Variants in GDF11 observed in about 807,000 individuals in gnomAD.
GDF11 encodes the protein growth differentiation factor 11.
Under a neutral mutation model 34.4 loss-of-function variants are expected in GDF11, and 12 were observed. The observed-to-expected ratio is 0.35, with a 90% CI of 0.22 to 0.57. The LOEUF is 0.57. Among genes scored for constraint, GDF11 ranks in the 20% least tolerant of loss-of-function variants. GDF11 has a pLI of 0.86. For synonymous variants in GDF11, 212 were observed against 231.1 expected, an observed-to-expected ratio of 0.92 and a Z score of 0.75; for missense variants, 346 against 548.2, an observed-to-expected ratio of 0.63 and a Z score of 3.68.
chr12:55,755,530 G>A lies in GDF11; in HGVS notation c.*5648G>A, dbSNP rs913566328. 9 of 152,202 alleles carry A rather than the reference G, an allele frequency of 5.9e-5. No individual in the cohort carries two copies. The highest frequency in any genetic ancestry group is 2.2e-4 in the African/African-American group (9 of 41,440). The allele number at this position is 152,202 out of a possible 1,614,324, so 9.4% of individuals were successfully genotyped here. A position where few individuals can be genotyped will look rare whatever the true frequency, so the allele number is the denominator to read the frequency against. ...ACATCTGGATGCTGGATCAACTATA[G>A]TAGGGAAACGGGGAGAGGAAGGAAG... On this transcript the variant is annotated 3_prime_UTR_variant, in exon 3 of 3. Transcript: ENST00000257868.
Position 55,757,124 on chromosome 12 carries a change from G to A in GDF11, c.*7242G>A, listed in dbSNP as rs904434143. 2 of 157,512 alleles carry A rather than the reference G, an allele frequency of 1.3e-5. No homozygotes were observed. Among genetic ancestry groups the A allele is most frequent in the African/African-American group, 4.8e-5 (2 of 41,578 alleles). The allele number at this position is 157,512 out of a possible 1,614,324, so 9.8% of individuals were successfully genotyped here. On this transcript the variant is annotated 3_prime_UTR_variant, in exon 3 of 3. Transcript: ENST00000257868. ...ACAGAAGGGAATAAACAGGCTTAAA[G>A]GGTAAACTCAGTCCTTTTCCTTGTC...
At position 55,749,831 on chromosome 12, in the gene GDF11, T is replaced by A. The variant is rs376574790; in HGVS notation, c.1173T>A (p.Ile391=). ...NMLYFNDKQQ[I]IYGKIPGMVV... is the part of the protein sequence containing the mutation. ...TCTACTTCAATGACAAGCAGCAGAT[T>A]ATCTACGGCAAGATCCCTGGCATGG... Residue 391 remains isoleucine, a synonymous_variant, in exon 3 of 3, where the codon ATT becomes ATA. Coordinates refer to ENST00000257868, the MANE Select transcript of GDF11 (RefSeq NM_005811.5). The surrounding 1 kb of genome is among the most constrained non-coding windows in gnomAD (Gnocchi z 5.6). 1.2e-5 allele frequency: 19 copies of A among 1,613,998 alleles called. No individual in the cohort carries two copies. The highest frequency in any genetic ancestry group is 1.3e-5 in the Non-Finnish European group (15 of 1,179,962).
intron 1 of GDF11, among the ~76,000 whole-genome samples, chr12:55,745,158 T>C (rs1399414701): frequency 6.6e-6 from 1 of 151,346 alleles, no homozygotes; most frequent in East Asian, 1.9e-4. Flanking sequence ...GGGGGTGGGG[T>C]TTCTAGGAAA....
rs1403604884 is a variant in GDF11 at position 55,753,847 on chromosome 12, T to C, written c.*3965T>C. The C allele has an allele frequency of 6.6e-6, 1 of 150,928 alleles. No individual in the cohort carries two copies. The highest frequency in any genetic ancestry group is 1.5e-5 in the Non-Finnish European group (1 of 67,992). 9.3% of individuals were successfully genotyped at this position (150,928 alleles called of 1,614,324 possible). A position where few individuals can be genotyped will look rare whatever the true frequency, so the allele number is the denominator to read the frequency against. ...CTGTAGTTCCAGCTATTCAGGAGGC[T>C]GTGGCAGGAGGACCACTTGAGGCCA... On this transcript the variant is annotated 3_prime_UTR_variant, in exon 3 of 3. Coordinates refer to ENST00000257868, the MANE Select transcript of GDF11 (RefSeq NM_005811.5).
At position 55,749,102 on chromosome 12, in the gene GDF11, G is replaced by A. The variant is rs937541820; in HGVS notation, c.843+119G>A. On this transcript the variant is annotated intron_variant, in intron 2 of 2. Coordinates refer to ENST00000257868, the MANE Select transcript of GDF11 (RefSeq NM_005811.5). This position sits in a 1 kb window ranked among gnomAD's most constrained non-coding sequence, Gnocchi z 5.6. ...TTGGGGACCAGCATTACTTCTCTGG[G>A]GTCAGCAGCTGATTCTAGAGGAGGA... is the stretch of plus-strand genomic sequence containing the variant. The A allele has an allele frequency of 3.9e-6, 4 of 1,032,326 alleles. No individual in the cohort carries two copies. Among genetic ancestry groups the A allele is most frequent in the South Asian group, 1.7e-5 (1 of 59,590 alleles). The allele number at this position is 1,032,326 out of a possible 1,614,324, so 63.9% of individuals were successfully genotyped here. A position where few individuals can be genotyped will look rare whatever the true frequency, so the allele number is the denominator to read the frequency against.
rs766687970 is a variant in GDF11, at chr12:55,743,379, G to C, written c.63G>C (p.Arg21=). The change falls in exon 1 of 3, where the codon CGG becomes CGC. Residue 21 remains arginine (R), a synonymous_variant. Transcript: ENST00000257868. ...FLLLALELRP[R]GEAAEGPAAA... ...TCCTCGCCCTGGAGCTGCGGCCCCG[G>C]GGGGAGGCGGCCGAGGGCCCCGCGG... 9.1e-6 allele frequency: 9 copies of C among 987,994 alleles called. No individual in the cohort carries two copies. The highest frequency in any genetic ancestry group is 9.0e-5 in the South Asian group (2 of 22,174). The allele number at this position is 987,994 out of a possible 1,614,324, so 61.2% of individuals were successfully genotyped here. A position where few individuals can be genotyped will look rare whatever the true frequency, so the allele number is the denominator to read the frequency against.
chr12:55,744,098 G>A (rs534308993), intron 1 of GDF11, among the ~76,000 whole-genome samples: 7 of 152,294 alleles, frequency 4.6e-5, no homozygotes, highest in Admixed American at 2.0e-4. Flanking sequence ...AGCCGTGGTG[G>A]GGAGGCTGGA....
chr12:55,743,465 G>A lies in GDF11; in HGVS notation c.149G>A (p.Arg50Gln). 7.0e-7 allele frequency: 1 copy of A among 1,426,454 alleles called. No homozygotes were observed. Among genetic ancestry groups the A allele is most frequent in the Non-Finnish European group, 9.2e-7 (1 of 1,085,464 alleles). The allele number at this position is 1,426,454 out of a possible 1,614,324, so 88.4% of individuals were successfully genotyped here. ...GGGGTCGGGGGGGAGCGCTCCAGCC[G>A]GCCAGCCCCGTCCGTGGCGCCCGAG... ...AAGVGGERSSRPAPSVAPEPD... is the reference protein window; with the variant it reads ...AAGVGGERSSQPAPSVAPEPD... Residue 50 changes from arginine to glutamine, a missense_variant, in exon 1 of 3, where the codon CGG becomes CAG. Coordinates refer to ENST00000257868, the MANE Select transcript of GDF11 (RefSeq NM_005811.5).
intron 1 of GDF11, 53 bp downstream of exon 1, chr12:55,743,814 G>A (rs1592542238): frequency 5.7e-6 from 8 of 1,403,086 alleles, no homozygotes; most frequent in Middle Eastern, 2.2e-4. Context: ...GCCCCGCGAA[G>A]GGCGCCTTCT....
chr12:55,749,035 T>C lies in GDF11; in HGVS notation c.843+52T>C, dbSNP rs774059551. ...TATGTGTAACCTGGCCCTGAGGAGA[T>C]AGGGTTACATTGGAAAAGGTAGACA... is the stretch of plus-strand genomic sequence containing the variant. On this transcript the variant is annotated intron_variant, in intron 2 of 2. Coordinates refer to ENST00000257868, the MANE Select transcript of GDF11 (RefSeq NM_005811.5). This position sits in a 1 kb window ranked among gnomAD's most constrained non-coding sequence, Gnocchi z 5.6. 26 of 1,489,560 alleles carry C rather than the reference T, an allele frequency of 1.7e-5. No individual in the cohort carries two copies. Among genetic ancestry groups the C allele is most frequent in the South Asian group, 2.6e-5 (2 of 77,670 alleles). 92.3% of individuals were successfully genotyped at this position (1,489,560 alleles called of 1,614,324 possible).
chr12:55,747,333 T>C (rs1443527103), intron 1 of GDF11, among the ~76,000 whole-genome samples: 1 of 151,540 alleles, frequency 6.6e-6, no homozygotes. Flanking sequence ...CCTGAATATA[T>C]GAAGTTCATT....
In GDF11 at chr12:55,749,957, C is replaced by G; in HGVS notation, c.*75C>G. 1 of 1,258,110 alleles carries G rather than the reference C, an allele frequency of 7.9e-7. No individual in the cohort carries two copies. Among genetic ancestry groups the G allele is most frequent in the Non-Finnish European group, 1.1e-6 (1 of 895,736 alleles). 77.9% of individuals were successfully genotyped at this position (1,258,110 alleles called of 1,614,324 possible). A position where few individuals can be genotyped will look rare whatever the true frequency, so the allele number is the denominator to read the frequency against. Reference sequence around the variant, plus strand: ...AGCCCTGCCCCCATCCCCCCAAGCCCTAGAGCTCCCTCCACTCTTCCCGCG... The same window carrying G: ...AGCCCTGCCCCCATCCCCCCAAGCCGTAGAGCTCCCTCCACTCTTCCCGCG... On this transcript the variant is annotated 3_prime_UTR_variant, in exon 3 of 3. Transcript: ENST00000257868. The surrounding 1 kb of genome is among the most constrained non-coding windows in gnomAD (Gnocchi z 5.6).
rs764196755 is a variant in GDF11 at position 55,743,718 on chromosome 12, G to C, written c.402G>C (p.Glu134Asp). The change falls in exon 1 of 3, where the codon GAG becomes GAC. Residue 134 changes from glutamate to aspartate, a missense_variant. By Grantham distance (45) the Glu-to-Asp change is conservative. Coordinates refer to ENST00000257868, the MANE Select transcript of GDF11 (RefSeq NM_005811.5). The part of the protein sequence containing the change: ...LQPEDFLEED[E>D]YHATTETVIS... Reference sequence around the variant, plus strand: ...CCGAGGACTTCCTGGAGGAGGACGAGTACCACGCCACCACCGAGACCGTCA... The same window carrying C: ...CCGAGGACTTCCTGGAGGAGGACGACTACCACGCCACCACCGAGACCGTCA... The C allele has an allele frequency of 6.4e-7, 1 of 1,574,440 alleles. No homozygotes were observed. The highest frequency in any genetic ancestry group is 8.6e-7 in the Non-Finnish European group (1 of 1,167,228).
At chr12:55,746,039 G>T (rs1221188364) in intron 1 of GDF11, among the ~76,000 whole-genome samples, 3 of 152,080 alleles carry the variant, frequency 2.0e-5, no homozygotes, top group African/African-American at 7.2e-5. Context: ...TTGGGCATTT[G>T]CTGAAAATAG....
At position 55,752,923 on chromosome 12, in the gene GDF11, T is replaced by C. The variant is rs536624734; in HGVS notation, c.*3041T>C. On this transcript the variant is annotated 3_prime_UTR_variant, in exon 3 of 3. Coordinates refer to ENST00000257868, the MANE Select transcript of GDF11 (RefSeq NM_005811.5). ...CCTAATCAAGTGCCACATTTACACCTTGGAGAACCGGAGGTGAAGAGGATC... is the reference window on the plus strand; with the variant it reads ...CCTAATCAAGTGCCACATTTACACCCTGGAGAACCGGAGGTGAAGAGGATC... 6.6e-6 allele frequency: 1 copy of C among 152,248 alleles called. No homozygotes were observed. Among genetic ancestry groups the C allele is most frequent in the East Asian group, 1.9e-4 (1 of 5,184 alleles). 9.4% of individuals were successfully genotyped at this position (152,248 alleles called of 1,614,324 possible). A position where few individuals can be genotyped will look rare whatever the true frequency, so the allele number is the denominator to read the frequency against.
chr12:55,753,897 T>C lies in GDF11; in HGVS notation c.*4015T>C, dbSNP rs1345918734. ...AGAGGGTCAAGGCTGCAGTGTGCTA[T>C]AATTGGGCCTGTAAATAGCCACTGT... On this transcript the variant is annotated 3_prime_UTR_variant, in exon 3 of 3. Transcript: ENST00000257868. 2.6e-5 allele frequency: 4 copies of C among 151,694 alleles called. No homozygotes were observed. The highest frequency in any genetic ancestry group is 5.9e-5 in the Non-Finnish European group (4 of 67,992). 9.4% of individuals were successfully genotyped at this position (151,694 alleles called of 1,614,324 possible).
rs1459743529 is a variant in GDF11 at position 55,753,760 on chromosome 12, C to T, written c.*3878C>T. 7.3e-6 allele frequency: 1 copy of T among 136,580 alleles called. No homozygotes were observed. The highest frequency in any genetic ancestry group is 1.5e-5 in the Non-Finnish European group (1 of 64,982). 8.5% of individuals were successfully genotyped at this position (136,580 alleles called of 1,614,324 possible). ...ACTCTAGCATGGTGACAGAGTGAGA[C>T]TCCCATCTCCAAAAAAAAAAAAAAA... On this transcript the variant is annotated 3_prime_UTR_variant, in exon 3 of 3. Coordinates refer to ENST00000257868, the MANE Select transcript of GDF11 (RefSeq NM_005811.5).
In GDF11 at chr12:55,749,611, T is replaced by G; in HGVS notation, c.953T>G (p.Leu318Arg). 1 of 1,614,118 alleles carries G rather than the reference T, an allele frequency of 6.2e-7. No individual in the cohort carries two copies. The highest frequency in any genetic ancestry group is 8.5e-7 in the Non-Finnish European group (1 of 1,180,022). The change falls in exon 3 of 3, where the codon CTC (leucine) becomes CGC (arginine). Residue 318 changes from leucine (L) to arginine (R), a missense_variant. Coordinates refer to ENST00000257868, the MANE Select transcript of GDF11 (RefSeq NM_005811.5). This position sits in a 1 kb window ranked among gnomAD's most constrained non-coding sequence, Gnocchi z 5.6. ...GAGTCCCGCTGCTGCCGATATCCCC[T>G]CACAGTGGACTTTGAGGCTTTCGGC... ...SSESRCCRYP[L>R]TVDFEAFGWD...
intron 1 of GDF11, among the ~76,000 whole-genome samples, chr12:55,747,978 G>A (rs866961462): frequency 1.3e-5 from 2 of 152,196 alleles, no homozygotes; most frequent in Non-Finnish European, 2.9e-5. Flanking sequence ...GAAGTGCTTG[G>A]ATAGTTCCAT....
Sources: gnomAD v4.1 joint callset for allele counts (sites outside exome capture counted in the v4.1 genomes callset) on GRCh38, gnomAD v4.1.1 for gene constraint, Gnocchi (gnomAD v3.1) non-coding constraint, MANE v1.5 for transcripts, NCBI Gene and HGNC (gene_info 2026-07-23, HGNC 2026-07-21) for gene names.